Variants in HTT observed in about 807,000 individuals in gnomAD.
HTT encodes the protein huntingtin.
HTT carries 104 observed loss-of-function variants against 362.3 expected under a neutral mutation model. The observed-to-expected ratio is 0.29, with a 90% CI of 0.24 to 0.34. HTT has a LOEUF of 0.34. Among genes scored for constraint, HTT ranks in the 10% least tolerant of loss-of-function variants. The pLI, the probability that HTT is intolerant of heterozygous loss-of-function variation, is 1.00. For synonymous variants in HTT, 1,577 were observed against 1,548.7 expected (o/e 1.02, Z -0.43); for missense variants, 3,301 against 3,928.6 (o/e 0.84, Z 4.27).
Position 3,218,124 on chromosome 4 carries a change from G to T in HTT, c.7242+172G>T, listed in dbSNP as rs74964248. On this transcript the variant is annotated intron_variant, in intron 52 of 66. Coordinates refer to ENST00000355072, the MANE Select transcript of HTT (RefSeq NM_001388492.1). The surrounding 1 kb of genome is among the most constrained non-coding windows in gnomAD (Gnocchi z 4.4). ...CCAGGCTGCTTTCCTCAGGCACCAC[G>T]TGTGGAGGTCGCTAGTAGAAATACT... Among the ~76,000 whole-genome samples the T allele has an allele frequency of 1.3e-5, 2 of 152,234 alleles. No homozygotes were observed. Among genetic ancestry groups the T allele is most frequent in the Admixed American group, 1.3e-4 (2 of 15,288 alleles).
intron 29 of HTT, among the ~76,000 whole-genome samples, chr4:3,171,413 G>C (rs1319615914): frequency 6.6e-6 from 1 of 151,646 alleles, no homozygotes; most frequent in Non-Finnish European, 1.5e-5. Flanking sequence ...GAATGCCTAG[G>C]TATCTAGGCA....
intron 26 of HTT, among the ~76,000 whole-genome samples, chr4:3,151,170 G>T (rs1422749766): frequency 6.6e-6 from 1 of 151,994 alleles, no homozygotes; most frequent in Non-Finnish European, 1.5e-5. Flanking sequence ...GTATGAGTTC[G>T]TTCTCACACT....
chr4:3,159,050 G>A (rs781266240), intron 28 of HTT, among the ~76,000 whole-genome samples: 1 of 152,178 alleles, frequency 6.6e-6, no homozygotes, highest in Non-Finnish European at 1.5e-5. Context: ...GCTGAAGTGC[G>A]TTTGGAGTGC....
chr4:3,115,422 G>C lies in HTT; in HGVS notation c.866G>C (p.Ser289Thr), dbSNP rs1286372399. The C allele has an allele frequency of 6.2e-7, 1 of 1,613,870 alleles. No homozygotes were observed. Among genetic ancestry groups the C allele is most frequent in the East Asian group, 2.2e-5 (1 of 44,880 alleles). Residue 289 changes from serine (S) to threonine (T), a missense_variant, in exon 7 of 67, where the codon AGT becomes ACT. This residue lies in a region of HTT where 2,316 missense variants were observed against 2,658.5 expected (regional missense o/e 0.87). Coordinates refer to ENST00000355072, the MANE Select transcript of HTT (RefSeq NM_001388492.1). ...TCAAGAAGGACACAATATTTCTATA[G>C]TTGGCTACTAAATGTGCTCTTAGGT... ...QHSRRTQYFY[S>T]WLLNVLLGLL...
At chr4:3,203,953 A>C (rs942988723) in intron 41 of HTT, 54 bp from the exon 42 acceptor site, 2 of 1,585,096 alleles carry the variant, frequency 1.3e-6, no homozygotes, top group Admixed American at 1.7e-5. Context: ...GTATTTTGCA[A>C]ATAAGCTCAC....
intron 18 of HTT, among the ~76,000 whole-genome samples, chr4:3,133,842 C>T (rs1715939424): frequency 6.6e-6 from 1 of 152,146 alleles, no homozygotes; most frequent in Non-Finnish European, 1.5e-5. Flanking sequence ...TCAGTTGTGT[C>T]TTTTTTGAGC....
intron 53 of HTT, 86 bp downstream of exon 53, chr4:3,220,394 A>C: frequency 2.2e-6 from 3 of 1,342,634 alleles, no homozygotes; most frequent in Non-Finnish European, 3.1e-6. Context: ...GGATCTTCTC[A>C]TTTGACTCCA....
At chr4:3,085,512 T>A (rs1048401581) in intron 1 of HTT, among the ~76,000 whole-genome samples, 2 of 152,138 alleles carry the variant, frequency 1.3e-5, no homozygotes, top group African/African-American at 4.8e-5. Flanking sequence ...GTTCTTACCC[T>A]GTTTTTCCAG....
chr4:3,202,952 C>T (rs1719656709), intron 41 of HTT: 1 of 152,280 alleles, frequency 6.6e-6, no homozygotes. Context: ...TTACAGTGAG[C>T]TATGATCGTG....
At chr4:3,234,517 G>A (rs999368086) in intron 61 of HTT, among the ~76,000 whole-genome samples, 1 of 152,248 alleles carries the variant, frequency 6.6e-6, no homozygotes, top group African/African-American at 2.4e-5. Context: ...CCAGACACAG[G>A]CCAAAGCCCT....
chr4:3,175,215 T>C, intron 33 of HTT, 108 bp downstream of exon 33: 1 of 1,037,696 alleles, frequency 9.6e-7, no homozygotes, highest in East Asian at 2.4e-5. Context: ...CATGTTTCCC[T>C]CATCAGTTGC....
intron 2 of HTT, among the ~76,000 whole-genome samples, chr4:3,091,049 T>C (rs2110146331): frequency 6.6e-6 from 1 of 152,282 alleles, no homozygotes; most frequent in East Asian, 1.9e-4. Context: ...GAGGTACAGG[T>C]TGCGGTGAGC....
chr4:3,242,822 T>C lies in HTT; in HGVS notation c.*2763T>C, dbSNP rs1721868569. ...AAACCAGGGTAGAATTGTTTGGCAA[T>C]GCACTGAAGCGTGTTTCTTTCCCAA... On this transcript the variant is annotated 3_prime_UTR_variant, in exon 67 of 67. Transcript: ENST00000355072. 6.6e-6 allele frequency: 1 copy of C among 152,304 alleles called. No individual in the cohort carries two copies. The highest frequency in any genetic ancestry group is 1.9e-4 in the East Asian group (1 of 5,178). 9.4% of individuals were successfully genotyped at this position (152,304 alleles called of 1,614,324 possible).
chr4:3,200,024 T>A, intron 41 of HTT, 85 bp downstream of exon 41: 1 of 1,105,266 alleles, frequency 9.0e-7, no homozygotes. Context: ...TGGCCACCGT[T>A]AAAGCATTTT....
At chr4:3,090,550 T>C (rs1377808828) in intron 2 of HTT, among the ~76,000 whole-genome samples, 1 of 152,118 alleles carries the variant, frequency 6.6e-6, no homozygotes, top group Non-Finnish European at 1.5e-5. Flanking sequence ...AGCTAGAAAA[T>C]ATAACGTTTA....
At chr4:3,135,800 A>T in intron 19 of HTT, 104 bp from the exon 20 acceptor site, 1 of 735,044 alleles carries the variant, frequency 1.4e-6, no homozygotes, top group South Asian at 2.2e-5. Flanking sequence ...GTGCTGCCCA[A>T]GGTCCTTCCA....
chr4:3,075,674 GTCCAATGGGAGATT>G (rs1712498638), intron 1 of HTT, among the ~76,000 whole-genome samples: 1 of 150,286 alleles, frequency 6.7e-6, no homozygotes, highest in Non-Finnish European at 1.5e-5. Flanking sequence ...GTGAGGGCGC[GTCCAATGGGAGATT>G]TCTTTTCCTA....
Position 3,206,912 on chromosome 4 carries a change from C to T in HTT, c.6004C>T (p.Arg2002Cys), listed in dbSNP as rs759121416. Residue 2002 changes from arginine (R) to cysteine (C), a missense_variant, in exon 44 of 67, where the codon CGT becomes TGT. Arg to Cys is a radical substitution (Grantham distance 180). This residue lies in a region of HTT where 2,316 missense variants were observed against 2,658.5 expected (regional missense o/e 0.87). Transcript: ENST00000355072. This position sits in a 1 kb window ranked among gnomAD's most constrained non-coding sequence, Gnocchi z 4.6. The stretch of plus-strand genomic sequence containing the variant: ...GGACAGGCTTCTGTGCACCCCTTTC[C>T]GTGTGCTGGCTCGCATGGTCGACAT... ...YVDRLLCTPFRVLARMVDILA... is the reference protein window; with the variant it reads ...YVDRLLCTPFCVLARMVDILA... The T allele has an allele frequency of 5.6e-6, 9 of 1,614,136 alleles. 1 individual carries two copies. The highest frequency in any genetic ancestry group is 5.5e-5 in the South Asian group (5 of 91,082).
rs2110309746 is a variant in HTT at position 3,240,661 on chromosome 4, T to G, written c.*602T>G. The G allele has an allele frequency of 6.4e-6, 1 of 155,664 alleles. No homozygotes were observed. Among genetic ancestry groups the G allele is most frequent in the South Asian group, 2.0e-4 (1 of 4,978 alleles). 9.6% of individuals were successfully genotyped at this position (155,664 alleles called of 1,614,324 possible). A position where few individuals can be genotyped will look rare whatever the true frequency, so the allele number is the denominator to read the frequency against. The stretch of plus-strand genomic sequence containing the variant: ...GTAAAGAGATTAATTTTAACGTAAC[T>G]CTTTCTATGCCCGTGTAAAGTATGT... On this transcript the variant is annotated 3_prime_UTR_variant, in exon 67 of 67. Coordinates refer to ENST00000355072, the MANE Select transcript of HTT (RefSeq NM_001388492.1).
Sources: allele counts gnomAD v4.1 joint callset (sites outside exome capture counted in the v4.1 genomes callset), GRCh38; gene constraint gnomAD v4.1.1; regional missense constraint gnomAD v4.1.1; non-coding constraint Gnocchi (gnomAD v3.1); transcripts MANE v1.5; gene names NCBI Gene and HGNC (gene_info 2026-07-23, HGNC 2026-07-21).